Variants in DHX15 observed in about 807,000 individuals in gnomAD.
DHX15 encodes DEAH-box helicase 15, also known as ATP-dependent RNA helicase DHX15.
Under a neutral mutation model 94.4 loss-of-function variants are expected in DHX15, and 11 were observed. The ratio of observed to expected loss-of-function variants is 0.12; its 90% confidence interval spans 0.07 to 0.19. The LOEUF is 0.19. Ranked by LOEUF, DHX15 falls within the 10% of genes least tolerant of loss-of-function variation. DHX15 has a pLI of 1.00. For missense variants in DHX15, 304 were observed against 988.5 expected (o/e 0.31, Z 9.29); for synonymous variants, 338 against 329.9 (o/e 1.02, Z -0.27).
intron 11 of DHX15, chr4:24,533,885 A>G (rs879415410): frequency 2.0e-5 from 3 of 152,218 alleles, no homozygotes; most frequent in South Asian, 2.1e-4. Context: ...ACAAAAATTA[A>G]AACTGTTGAT....
chr4:24,580,209 A>G (rs1722378298), intron 1 of DHX15, among the ~76,000 whole-genome samples: 1 of 152,150 alleles, frequency 6.6e-6, no homozygotes. Context: ...AAAGTTTGAG[A>G]CCAGCCTGAG....
chr4:24,570,573 C>T (rs1040367062), intron 3 of DHX15, 81 bp downstream of exon 3: 1 of 1,309,990 alleles, frequency 7.6e-7, no homozygotes, highest in Non-Finnish European at 1.1e-6. Flanking sequence ...TGACATAAGC[C>T]TGCACTAGCA....
rs1722564329 is a variant in DHX15, at chr4:24,584,507, C to A, written c.-114G>T. ...CCCCCACCCCTCCCGCTACTACAGC[C>A]CACACGGTGCGGCCGGAACCAACAG... On this transcript the variant is annotated 5_prime_UTR_variant, in exon 1 of 14. Transcript: ENST00000336812. 2.1e-5 allele frequency: 22 copies of A among 1,045,404 alleles called. No individual in the cohort carries two copies. In the Middle Eastern group the frequency reaches 6.2e-4, roughly 30 times the overall value. The allele number at this position is 1,045,404 out of a possible 1,614,324, so 64.8% of individuals were successfully genotyped here. A position where few individuals can be genotyped will look rare whatever the true frequency, so the allele number is the denominator to read the frequency against.
intron 1 of DHX15, among the ~76,000 whole-genome samples, chr4:24,578,602 C>T (rs904849878): frequency 4.6e-5 from 7 of 152,130 alleles, no homozygotes; most frequent in Middle Eastern, 3.2e-3. Context: ...TGCTCCATTA[C>T]CCGGGTTGGA....
chr4:24,575,670 G>C (rs1320782834), intron 2 of DHX15, among the ~76,000 whole-genome samples: 3 of 152,092 alleles, frequency 2.0e-5, no homozygotes, highest in Non-Finnish European at 4.4e-5. Flanking sequence ...AGAAACACTT[G>C]ACCCATGCAA....
chr4:24,549,384 T>C lies in DHX15; in HGVS notation c.1081-362A>G, dbSNP rs562943926. Among the ~76,000 whole-genome samples the C allele has an allele frequency of 1.1e-4, 16 of 152,322 alleles. No homozygotes were observed. In the East Asian group the frequency reaches 1.5e-3, roughly 15 times the overall value. ...TTCAATTTTCACAATCTAAAAGAAA[T>C]TGATGTGCTAGACATTTTAAATAAG... On this transcript the variant is annotated intron_variant, in intron 5 of 13. Coordinates refer to ENST00000336812, the MANE Select transcript of DHX15 (RefSeq NM_001358.3).
chr4:24,572,255 C>A (rs1481466086), intron 2 of DHX15, among the ~76,000 whole-genome samples: 1 of 152,202 alleles, frequency 6.6e-6, no homozygotes, highest in African/African-American at 2.4e-5. Context: ...CTACTTCAGC[C>A]TCCCAAGTAG....
intron 6 of DHX15, among the ~76,000 whole-genome samples, chr4:24,548,060 G>T (rs1721493839): frequency 6.8e-6 from 1 of 147,900 alleles, no homozygotes; most frequent in South Asian, 2.1e-4. Flanking sequence ...AAATAATCTT[G>T]TTCCTGTCCG....
rs1721212296 is a variant in DHX15, at chr4:24,536,980, G to A, written c.1909+71C>T. The A allele has an allele frequency of 4.8e-6, 7 of 1,467,426 alleles. No individual in the cohort carries two copies. In the Admixed American group the frequency reaches 1.6e-4, roughly 33 times the overall value. The allele number at this position is 1,467,426 out of a possible 1,614,324, so 90.9% of individuals were successfully genotyped here. On this transcript the variant is annotated intron_variant, in intron 11 of 13. Coordinates refer to ENST00000336812, the MANE Select transcript of DHX15 (RefSeq NM_001358.3). ...TTGTCACGGATAATAAATCAAAGTG[G>A]GACAAAGAAACATCTTATACACTGC...
At position 24,576,575 on chromosome 4, in the gene DHX15, TCTC is replaced by T; in HGVS notation, c.172_174del (p.Glu58del). Reference sequence around the variant, plus strand: ...GCATTTGTTGAAGCTCGCAACTCCTTCTCCTTTTCTTTCTCCCTCTCTCGCTCT... The same window carrying T: ...GCATTTGTTGAAGCTCGCAACTCCTTCTTTTCTTTCTCCCTCTCTCGCTCT... On this transcript the variant is annotated inframe_deletion, in exon 2 of 14. Transcript: ENST00000336812. 6.2e-7 allele frequency: 1 copy of T among 1,614,136 alleles called. No individual in the cohort carries two copies. The highest frequency in any genetic ancestry group is 8.5e-7 in the Non-Finnish European group (1 of 1,180,026).
At chr4:24,564,550 C>A (rs1394549779) in intron 3 of DHX15, among the ~76,000 whole-genome samples, 1 of 152,198 alleles carries the variant, frequency 6.6e-6, no homozygotes, top group Non-Finnish European at 1.5e-5. Context: ...ACATTCAAAT[C>A]ACCTTTTATT....
intron 6 of DHX15, among the ~76,000 whole-genome samples, chr4:24,547,788 T>TAA (rs768863797): frequency 7.3e-6 from 1 of 136,928 alleles, no homozygotes; most frequent in Non-Finnish European, 1.6e-5. Context: ...CCATGTTGTT[T>TAA]AAAAAAAAAA....
At chr4:24,536,719 T>C (rs1472588261) in intron 11 of DHX15, among the ~76,000 whole-genome samples, 3 of 152,188 alleles carry the variant, frequency 2.0e-5, no homozygotes, top group African/African-American at 7.2e-5. Context: ...ATAAACAATA[T>C]AAAACTATTC....
chr4:24,550,045 G>C (rs1721554056), intron 5 of DHX15, among the ~76,000 whole-genome samples: 1 of 124,604 alleles, frequency 8.0e-6, no homozygotes, highest in Admixed American at 1.0e-4. Flanking sequence ...AATAAGCCGA[G>C]ATTGCACCAT....
intron 3 of DHX15, among the ~76,000 whole-genome samples, chr4:24,559,239 C>A (rs1721809811): frequency 6.6e-6 from 1 of 151,816 alleles, no homozygotes. Context: ...TGTTAGCCAC[C>A]ACCAAAAGCT....
chr4:24,570,235 C>A lies in DHX15; in HGVS notation c.701+419G>T, dbSNP rs79993244. Among the ~76,000 whole-genome samples, 614 of 152,276 alleles carry A rather than the reference C, an allele frequency of 4.0e-3. 4 individuals are homozygous for A. The highest frequency in any genetic ancestry group is 0.014 in the African/African-American group (571 of 41,554). On this transcript the variant is annotated intron_variant, in intron 3 of 13. Coordinates refer to ENST00000336812, the MANE Select transcript of DHX15 (RefSeq NM_001358.3). The stretch of plus-strand genomic sequence containing the variant: ...TATAACAGATGCACGGTAATAGCTG[C>A]ATAATTAACATTAAAAGTCCCCTCT...
At chr4:24,538,295 T>C (rs1284959790) in intron 10 of DHX15, 2 of 152,146 alleles carry the variant, frequency 1.3e-5, no homozygotes, top group African/African-American at 2.4e-5. Context: ...CATATTACTC[T>C]TTCCCATACA....
chr4:24,578,958 C>A (rs1230132900), intron 1 of DHX15, among the ~76,000 whole-genome samples: 2 of 152,122 alleles, frequency 1.3e-5, no homozygotes, highest in African/African-American at 4.8e-5. Flanking sequence ...CAAAGTAAAT[C>A]ATGTATTATA....
intron 1 of DHX15, among the ~76,000 whole-genome samples, chr4:24,582,257 G>A (rs1722432532): frequency 6.6e-6 from 1 of 152,026 alleles, no homozygotes; most frequent in African/African-American, 2.4e-5. Context: ...TTATAACTTG[G>A]GCATTATTCC....
Sources: gnomAD v4.1 joint callset for allele counts (sites outside exome capture counted in the v4.1 genomes callset) on GRCh38, gnomAD v4.1.1 for gene constraint, MANE v1.5 for transcripts, NCBI Gene and HGNC (gene_info 2026-07-23, HGNC 2026-07-21) for gene names.